Variants in ARHGAP44 observed in about 807,000 individuals in gnomAD.
The protein encoded by ARHGAP44 is Rho GTPase activating protein 44.
A neutral mutation model predicts 106.8 loss-of-function variants in ARHGAP44; 43 were observed. The ratio of observed to expected loss-of-function variants is 0.40; its 90% CI spans 0.32 to 0.52. ARHGAP44 has a LOEUF of 0.52. Among genes scored for constraint, ARHGAP44 ranks in the 20% least tolerant of loss-of-function variants. The pLI, the probability that ARHGAP44 is intolerant of heterozygous loss-of-function variation, is 0.48. For missense variants in ARHGAP44, 866 were observed against 1,050.5 expected, an observed-to-expected ratio of 0.82 and a Z score of 2.43; for synonymous variants, 439 against 410.3, an observed-to-expected ratio of 1.07 and a Z score of -0.85.
intron 16 of ARHGAP44, among the ~76,000 whole-genome samples, chr17:12,961,463 G>A (rs2039258951): frequency 6.6e-6 from 1 of 152,196 alleles, no homozygotes; most frequent in African/African-American, 2.4e-5. Flanking sequence ...GGCCGGGCGT[G>A]GTGGCTCACA....
At chr17:12,803,892 C>T (rs569347338) in intron 1 of ARHGAP44, among the ~76,000 whole-genome samples, 6 of 150,792 alleles carry the variant, frequency 4.0e-5, no homozygotes, top group East Asian at 2.3e-4. Context: ...TTTGTATTTA[C>T]GGCTCTAAGA....
Position 12,864,245 on chromosome 17 carries a change from G to A in ARHGAP44, c.54-30695G>A, listed in dbSNP as rs114292400. Among the ~76,000 whole-genome samples, 597 of 152,330 alleles carry A rather than the reference G, an allele frequency of 3.9e-3. 7 individuals are homozygous for A. Among genetic ancestry groups the A allele is most frequent in the African/African-American group, 0.014 (583 of 41,568 alleles). On this transcript the variant is annotated intron_variant, in intron 1 of 20. Transcript: ENST00000379672. The stretch of plus-strand genomic sequence containing the variant: ...GATTTCATCTAAAATGGCCAGAGAT[G>A]CGACAGTGCTAAGCTTAGTTTTTCA...
intron 1 of ARHGAP44, among the ~76,000 whole-genome samples, chr17:12,802,965 ATATATTTT>A (rs1415374755): frequency 3.2e-3 from 87 of 26,892 alleles, no homozygotes; most frequent in East Asian, 5.8e-3. Context: ...ATATATATAT[ATATATTTT>A]TTTTTTTTTT....
intron 1 of ARHGAP44, among the ~76,000 whole-genome samples, chr17:12,888,389 A>G (rs2036943450): frequency 6.6e-6 from 1 of 151,914 alleles, no homozygotes; most frequent in Non-Finnish European, 1.5e-5. Context: ...GTATTTGAAA[A>G]TTTTCTTCTT....
intron 1 of ARHGAP44, among the ~76,000 whole-genome samples, chr17:12,801,501 A>G (rs916095451): frequency 6.6e-5 from 10 of 152,234 alleles, no homozygotes; most frequent in Admixed American, 2.0e-4. Flanking sequence ...TGGCTCTGAC[A>G]TTGATATTTT....
At chr17:12,903,011 C>T (rs1029904352) in intron 3 of ARHGAP44, among the ~76,000 whole-genome samples, 1 of 150,198 alleles carries the variant, frequency 6.7e-6, no homozygotes, top group African/African-American at 2.5e-5. Flanking sequence ...GGGGCTGAAC[C>T]ACAGAAGAGC....
intron 3 of ARHGAP44, among the ~76,000 whole-genome samples, chr17:12,900,313 A>G (rs2037337398): frequency 1.3e-5 from 2 of 151,958 alleles, no homozygotes; most frequent in Admixed American, 1.3e-4. Flanking sequence ...TATTTTTAGT[A>G]GAGATGGGGT....
At chr17:12,903,479 A>G (rs1598027679) in intron 3 of ARHGAP44, among the ~76,000 whole-genome samples, 1 of 152,138 alleles carries the variant, frequency 6.6e-6, no homozygotes, top group African/African-American at 2.4e-5. Flanking sequence ...TTTACCAGGG[A>G]TTGGGACTGG....
rs553248071 is a variant in ARHGAP44, at chr17:12,918,059, TCTC to T, written c.388-1692_388-1690del. Among the ~76,000 whole-genome samples the T allele has an allele frequency of 2.0e-3, 300 of 152,298 alleles. 1 individual carries two copies. The highest frequency in any genetic ancestry group is 6.5e-3 in the African/African-American group (271 of 41,566). ...GACCAGCTCTCAGCTTCTCAAGTCA[TCTC>T]CTCGCTTGGAGCATTCACGAGGTCC... On this transcript the variant is annotated intron_variant, in intron 5 of 20. Transcript: ENST00000379672.
intron 5 of ARHGAP44, among the ~76,000 whole-genome samples, chr17:12,916,305 C>T (rs1248269752): frequency 1.3e-5 from 2 of 152,182 alleles, no homozygotes; most frequent in East Asian, 1.9e-4. Context: ...TCATCCCCAC[C>T]TTCCACCCAT....
intron 16 of ARHGAP44, among the ~76,000 whole-genome samples, chr17:12,961,253 C>T (rs922801553): frequency 3.3e-5 from 5 of 152,190 alleles, no homozygotes; most frequent in Non-Finnish European, 5.9e-5. Flanking sequence ...GAAGCTTGAG[C>T]AATATCTTGA....
chr17:12,958,615 G>T lies in ARHGAP44; in HGVS notation c.1343-102G>T. On this transcript the variant is annotated intron_variant, in intron 15 of 20. Coordinates refer to ENST00000379672, the MANE Select transcript of ARHGAP44 (RefSeq NM_014859.6). This position sits in a 1 kb window ranked among gnomAD's most constrained non-coding sequence, Gnocchi z 4.1. ...GAACCATGGGATGAAATTTTCTAGG[G>T]ATGACATACGAGGGAGTGGGTGTCT... is the stretch of plus-strand genomic sequence containing the variant. 8.9e-7 allele frequency: 1 copy of T among 1,126,502 alleles called. No individual in the cohort carries two copies. Among genetic ancestry groups the T allele is most frequent in the Non-Finnish European group, 1.3e-6 (1 of 786,296 alleles). The allele number at this position is 1,126,502 out of a possible 1,614,324, so 69.8% of individuals were successfully genotyped here. A position where few individuals can be genotyped will look rare whatever the true frequency, so the allele number is the denominator to read the frequency against.
chr17:12,798,295 T>A (rs1244325589), intron 1 of ARHGAP44, among the ~76,000 whole-genome samples: 1 of 152,332 alleles, frequency 6.6e-6, no homozygotes, highest in East Asian at 1.9e-4. Flanking sequence ...AAATGCATGA[T>A]GATTGGTTTG....
chr17:12,919,673 A>G (rs2038018485), intron 5 of ARHGAP44, 82 bp from the exon 6 acceptor site: 23 of 1,256,580 alleles, frequency 1.8e-5, no homozygotes, highest in Non-Finnish European at 8.8e-6. Flanking sequence ...GGCATGAGCC[A>G]CCGCGCCTGG....
chr17:12,839,224 G>A (rs1472692811), intron 1 of ARHGAP44, among the ~76,000 whole-genome samples: 1 of 152,050 alleles, frequency 6.6e-6, no homozygotes, highest in East Asian at 1.9e-4. Flanking sequence ...TTCTTCCCAG[G>A]GGTTTATCTT....
intron 7 of ARHGAP44, among the ~76,000 whole-genome samples, chr17:12,934,723 A>G (rs2038494311): frequency 6.6e-6 from 1 of 152,188 alleles, no homozygotes; most frequent in African/African-American, 2.4e-5. Context: ...TGGTGGATAC[A>G]TTGACATACA....
At chr17:12,919,387 CTTTTTT>C (rs375129968) in intron 5 of ARHGAP44, among the ~76,000 whole-genome samples, 32 of 136,094 alleles carry the variant, frequency 2.4e-4, no homozygotes, top group African/African-American at 8.8e-4. Flanking sequence ...AATAGTTCTT[CTTTTTT>C]TTTTTTTTTT....
intron 1 of ARHGAP44, among the ~76,000 whole-genome samples, chr17:12,860,812 A>G (rs945993193): frequency 2.0e-5 from 3 of 151,344 alleles, no homozygotes; most frequent in Admixed American, 1.3e-4. Flanking sequence ...CACGCAGAGC[A>G]GGTGAATCAA....
At chr17:12,851,822 G>A (rs192948176) in intron 1 of ARHGAP44, among the ~76,000 whole-genome samples, 3 of 152,004 alleles carry the variant, frequency 2.0e-5, no homozygotes, top group African/African-American at 4.8e-5. Context: ...AGTCATGAAC[G>A]CTTTTGTGTT....
Sources: gnomAD v4.1 joint callset for allele counts (sites outside exome capture counted in the v4.1 genomes callset) on GRCh38, gnomAD v4.1.1 for gene constraint, Gnocchi (gnomAD v3.1) non-coding constraint, MANE v1.5 for transcripts, NCBI Gene and HGNC (gene_info 2026-07-23, HGNC 2026-07-21) for gene names.